The following CPED1 variants were observed in gnomAD, a reference collection of about 807,000 sequenced individuals.
CPED1 encodes cadherin-like and PC-esterase domain-containing protein 1.
A neutral mutation model predicts 128.2 loss-of-function variants in CPED1; 114 were observed. The observed-to-expected ratio is 0.89, with a 90% CI of 0.76 to 1.04. The LOEUF (loss-of-function observed/expected upper bound fraction) is 1.04, where lower values mean the gene tolerates loss of function less well. CPED1 is among the 50% of genes least tolerant of loss of function. The pLI, the probability that CPED1 is intolerant of heterozygous loss-of-function variation, is 0.00. For synonymous variants in CPED1, 462 were observed against 426.7 expected (o/e 1.08, Z -1.02); for missense variants, 1,211 against 1,207.1 (o/e 1.00, Z -0.05).
At chr7:121,204,250 A>G (rs1584595076) in intron 16 of CPED1, among the ~76,000 whole-genome samples, 1 of 152,240 alleles carries the variant, frequency 6.6e-6, no homozygotes, top group South Asian at 2.1e-4. Context: ...TGGCCAGAAG[A>G]GACTGAGCAG....
At chr7:121,007,972 C>CTTTTA (rs957491206) in intron 2 of CPED1, among the ~76,000 whole-genome samples, 2 of 151,822 alleles carry the variant, frequency 1.3e-5, no homozygotes, top group Non-Finnish European at 2.9e-5. Context: ...TCACTGTTTT[C>CTTTTA]TTTTCTTTTC....
At chr7:121,218,611 C>T (rs138406836) in intron 16 of CPED1, among the ~76,000 whole-genome samples, 262 of 151,910 alleles carry the variant, frequency 1.7e-3, no homozygotes, top group African/African-American at 6.0e-3. Context: ...TTGTTGGCAA[C>T]TATACATCAA....
In CPED1 at chr7:121,081,580, G is replaced by A. The variant is rs151209936; in HGVS notation, c.617-16119G>A. Among the ~76,000 whole-genome samples, 430 of 152,230 alleles carry A rather than the reference G, an allele frequency of 2.8e-3. 2 individuals carry two copies. Among genetic ancestry groups the A allele is most frequent in the African/African-American group, 9.9e-3 (413 of 41,562 alleles). ...CACTTTCATTAACATCATAGGGTTA[G>A]AGCAGCTGTGCAATCCCAGTGTTGA... On this transcript the variant is annotated intron_variant, in intron 5 of 22. Coordinates refer to ENST00000310396, the MANE Select transcript of CPED1 (RefSeq NM_024913.5).
At chr7:121,089,207 A>G (rs1794519737) in intron 5 of CPED1, among the ~76,000 whole-genome samples, 1 of 151,624 alleles carries the variant, frequency 6.6e-6, no homozygotes, top group Admixed American at 6.5e-5. Context: ...TGTTTCTGGC[A>G]TTTGGAGCTC....
chr7:121,091,724 T>G (rs1279744279), intron 5 of CPED1, among the ~76,000 whole-genome samples: 1 of 152,176 alleles, frequency 6.6e-6, no homozygotes, highest in Non-Finnish European at 1.5e-5. Context: ...CTTATTATTC[T>G]AATTTTCCAG....
intron 14 of CPED1, 33 bp from the exon 15 acceptor site, chr7:121,140,794 T>A: frequency 6.7e-7 from 1 of 1,501,968 alleles, no homozygotes; most frequent in Non-Finnish European, 9.2e-7. Context: ...CACTTCACAG[T>A]TGTCTTTGTC....
chr7:121,165,678 C>T (rs1796506786), intron 16 of CPED1, among the ~76,000 whole-genome samples: 1 of 152,092 alleles, frequency 6.6e-6, no homozygotes, highest in Non-Finnish European at 1.5e-5. Context: ...TACTTCAGTC[C>T]CCTGGATGAT....
chr7:121,078,254 A>G (rs891390457), intron 5 of CPED1, among the ~76,000 whole-genome samples: 4 of 152,120 alleles, frequency 2.6e-5, no homozygotes, highest in African/African-American at 9.7e-5. Context: ...CATGTTGGCC[A>G]GGGTGGTCTC....
chr7:121,239,820 A>G (rs1798345529), intron 17 of CPED1, among the ~76,000 whole-genome samples: 1 of 152,214 alleles, frequency 6.6e-6, no homozygotes. Flanking sequence ...TATAAGTCAA[A>G]TGACTTCTCC....
In CPED1 at chr7:121,125,872, A is replaced by C. The variant is rs767568660; in HGVS notation, c.1114A>C (p.Met372Leu). 1.2e-6 allele frequency: 2 copies of C among 1,613,300 alleles called. No homozygotes were observed. The highest frequency in any genetic ancestry group is 2.2e-5 in the South Asian group (2 of 91,072). ...LTFDIGYGSF[M>L]YPVVLQVHEH... ...TTTTGATATTGGTTATGGCAGTTTC[A>C]TGTACCCTGTAGTGCTCCAGGTCAG... is the stretch of plus-strand genomic sequence containing the variant. The change falls in exon 9 of 23, where the codon ATG becomes CTG. Residue 372 changes from methionine (M) to leucine (L), a missense_variant. Physicochemically the swap from Met to Leu is conservative, Grantham distance 15. Transcript: ENST00000310396.
intron 16 of CPED1, among the ~76,000 whole-genome samples, chr7:121,228,879 C>CA (rs1798077417): frequency 6.6e-6 from 1 of 151,888 alleles, no homozygotes; most frequent in South Asian, 2.1e-4. Context: ...AAACCAGGCA[C>CA]AAAAAGACAA....
chr7:121,256,595 G>C (rs1791884673), intron 18 of CPED1, among the ~76,000 whole-genome samples: 1 of 152,204 alleles, frequency 6.6e-6, no homozygotes, highest in African/African-American at 2.4e-5. Context: ...CTTATACACT[G>C]TTGGTGGGAA....
chr7:121,052,364 AC>A (rs1212429879), intron 4 of CPED1, among the ~76,000 whole-genome samples: 9 of 152,330 alleles, frequency 5.9e-5, no homozygotes, highest in African/African-American at 2.2e-4. Context: ...ACACGAAGTC[AC>A]ACGAAAACTC....
intron 3 of CPED1, among the ~76,000 whole-genome samples, chr7:121,022,887 A>G (rs1418767323): frequency 1.3e-5 from 2 of 152,050 alleles, no homozygotes; most frequent in Non-Finnish European, 2.9e-5. Context: ...TTGAAAAAAC[A>G]TATATTATGA....
chr7:121,258,669 G>A (rs1323594352), intron 18 of CPED1, among the ~76,000 whole-genome samples: 18 of 152,060 alleles, frequency 1.2e-4, no homozygotes, highest in Admixed American at 1.2e-3. Context: ...GAAGGCACTA[G>A]AGAAGATTCT....
intron 18 of CPED1, among the ~76,000 whole-genome samples, chr7:121,252,898 G>A (rs1377266846): frequency 1.3e-5 from 2 of 152,162 alleles, no homozygotes; most frequent in Non-Finnish European, 2.9e-5. Flanking sequence ...GTGGAAGTTG[G>A]TGTGGCAATT....
chr7:121,015,688 C>T lies in CPED1; in HGVS notation c.273C>T (p.His91=). 1.2e-6 allele frequency: 2 copies of T among 1,601,442 alleles called. No individual in the cohort carries two copies. The highest frequency in any genetic ancestry group is 8.5e-7 in the Non-Finnish European group (1 of 1,176,186). Residue 91 remains histidine (H), a synonymous_variant, in exon 3 of 23, where the codon CAC becomes CAT. Coordinates refer to ENST00000310396, the MANE Select transcript of CPED1 (RefSeq NM_024913.5). ...TRKVKESMET[H]FGSHGRRAIL... is the part of the protein sequence containing the mutation. Reference sequence around the variant, plus strand: ...AGGTCAAAGAATCAATGGAGACACACTTTGGCAGCCATGGCCGAAGGGCCA... The same window carrying T: ...AGGTCAAAGAATCAATGGAGACACATTTTGGCAGCCATGGCCGAAGGGCCA...
chr7:121,043,852 C>T (rs573076907), intron 3 of CPED1, among the ~76,000 whole-genome samples: 23 of 152,310 alleles, frequency 1.5e-4, no homozygotes, highest in African/African-American at 4.8e-4. Context: ...ACAAAACAAA[C>T]GCTGTGCAGG....
At chr7:121,149,751 A>AC (rs5887014) in intron 16 of CPED1, 150,804 of 152,260 alleles carry the variant, frequency 0.99, 74,702 homozygotes, top group Middle Eastern at 1. Context: ...ATAGAAAGGA[A>AC]CCTGAGAGGT....
Sources: gnomAD v4.1 joint callset for allele counts (sites outside exome capture counted in the v4.1 genomes callset) on GRCh38, gnomAD v4.1.1 for gene constraint, MANE v1.5 for transcripts, NCBI Gene and HGNC (gene_info 2026-07-23, HGNC 2026-07-21) for gene names.